The following ARHGAP10 variants were observed in gnomAD, a reference collection of about 807,000 sequenced individuals.
ARHGAP10 encodes the protein Rho GTPase activating protein 10.
ARHGAP10 carries 87 observed loss-of-function variants against 108.6 expected under a neutral mutation model. The observed-to-expected ratio is 0.80, with a 90% CI of 0.67 to 0.96. The LOEUF is 0.96. ARHGAP10 is among the 40% of genes least tolerant of loss of function. The pLI is 0.00. For synonymous variants in ARHGAP10, 347 were observed against 341.1 expected (o/e 1.02, Z -0.19); for missense variants, 939 against 954.5 (o/e 0.98, Z 0.21).
chr4:148,071,197 A>G (rs1379010142), intron 22 of ARHGAP10, among the ~76,000 whole-genome samples: 1 of 152,262 alleles, frequency 6.6e-6, no homozygotes, highest in Non-Finnish European at 1.5e-5. Flanking sequence ...CTGGAGTTGC[A>G]GTTGGGATTT....
intron 18 of ARHGAP10, among the ~76,000 whole-genome samples, chr4:147,999,322 A>G (rs1740602162): frequency 6.6e-6 from 1 of 152,254 alleles, no homozygotes; most frequent in African/African-American, 2.4e-5. Context: ...ATCAATGGCT[A>G]CCCTCTTTGG....
chr4:147,988,577 T>TTA (rs1259945544), intron 18 of ARHGAP10, among the ~76,000 whole-genome samples: 2 of 152,164 alleles, frequency 1.3e-5, no homozygotes, highest in Non-Finnish European at 2.9e-5. Context: ...AATTGAATGT[T>TTA]TATATATACA....
At chr4:147,854,320 G>A (rs906797653) in intron 4 of ARHGAP10, among the ~76,000 whole-genome samples, 39 of 152,076 alleles carry the variant, frequency 2.6e-4, no homozygotes, top group Non-Finnish European at 1.5e-4. Context: ...CAACATACTG[G>A]GCTTGTGTTC....
At chr4:147,900,226 G>T (rs1322527845) in intron 10 of ARHGAP10, among the ~76,000 whole-genome samples, 3 of 152,138 alleles carry the variant, frequency 2.0e-5, no homozygotes, top group Non-Finnish European at 4.4e-5. Context: ...TGAGGGTGGT[G>T]CCTGATTGGT....
chr4:147,768,947 A>AG (rs1321235219), intron 1 of ARHGAP10, among the ~76,000 whole-genome samples: 1 of 152,128 alleles, frequency 6.6e-6, no homozygotes, highest in East Asian at 1.9e-4. Context: ...CATGTTGGCC[A>AG]GGCTGGTTTT....
At chr4:147,773,758 C>T (rs528997842) in intron 1 of ARHGAP10, among the ~76,000 whole-genome samples, 1 of 152,306 alleles carries the variant, frequency 6.6e-6, no homozygotes, top group East Asian at 1.9e-4. Context: ...ATTCTTGATT[C>T]TCTACCTTGG....
At chr4:147,771,273 G>T (rs775460457) in intron 1 of ARHGAP10, among the ~76,000 whole-genome samples, 1 of 152,134 alleles carries the variant, frequency 6.6e-6, no homozygotes, top group African/African-American at 2.4e-5. Context: ...ATGTCCAGCC[G>T]CCTGTAACAG....
intron 15 of ARHGAP10, among the ~76,000 whole-genome samples, chr4:147,954,979 T>C (rs1738734257): frequency 1.3e-5 from 2 of 152,098 alleles, no homozygotes; most frequent in South Asian, 4.1e-4. Context: ...TTTGGTTAGA[T>C]GGTATGTTTG....
chr4:148,006,941 T>A (rs996073530), intron 18 of ARHGAP10, among the ~76,000 whole-genome samples: 19 of 152,330 alleles, frequency 1.2e-4, no homozygotes, highest in Admixed American at 7.2e-4. Flanking sequence ...TTGTGGCCTT[T>A]TTCTGAACAG....
At chr4:147,843,809 C>G (rs1403541299) in intron 3 of ARHGAP10, among the ~76,000 whole-genome samples, 1 of 152,246 alleles carries the variant, frequency 6.6e-6, no homozygotes, top group African/African-American at 2.4e-5. Context: ...CCACTGCACC[C>G]GGCCTGAACC....
chr4:148,027,529 C>A (rs542963698), intron 19 of ARHGAP10, among the ~76,000 whole-genome samples: 1 of 152,180 alleles, frequency 6.6e-6, no homozygotes, highest in Non-Finnish European at 1.5e-5. Context: ...GAAAATACTA[C>A]TGTTGAGCGG....
At chr4:148,066,561 C>A (rs933455637) in intron 22 of ARHGAP10, among the ~76,000 whole-genome samples, 1 of 152,212 alleles carries the variant, frequency 6.6e-6, no homozygotes, top group African/African-American at 2.4e-5. Context: ...TACACACGTA[C>A]ACATACATAG....
chr4:147,943,297 A>G (rs1333918595), intron 14 of ARHGAP10, among the ~76,000 whole-genome samples: 1 of 152,236 alleles, frequency 6.6e-6, no homozygotes, highest in Non-Finnish European at 1.5e-5. Context: ...TTTCACACAT[A>G]AAACCACAGA....
At chr4:147,873,891 G>GA (rs1553959047) in intron 7 of ARHGAP10, among the ~76,000 whole-genome samples, 4 of 151,220 alleles carry the variant, frequency 2.6e-5, no homozygotes, top group African/African-American at 7.3e-5. Flanking sequence ...AAAAAAAAAG[G>GA]GGGGATAAGA....
intron 1 of ARHGAP10, among the ~76,000 whole-genome samples, chr4:147,804,066 C>T (rs138760567): frequency 6.5e-4 from 97 of 149,612 alleles, no homozygotes; most frequent in Admixed American, 4.2e-3. Context: ...CTGTGTGTCA[C>T]GGGGGTTTGG....
chr4:148,020,678 T>A (rs1465394885), intron 18 of ARHGAP10, among the ~76,000 whole-genome samples: 1 of 152,188 alleles, frequency 6.6e-6, no homozygotes, highest in East Asian at 1.9e-4. Flanking sequence ...CCACATTTTC[T>A]TTATCCAGTC....
At chr4:147,822,697 C>A (rs1368150267) in intron 1 of ARHGAP10, 30 bp from the exon 2 acceptor site, 1 of 1,597,854 alleles carries the variant, frequency 6.3e-7, no homozygotes, top group Non-Finnish European at 8.6e-7. Context: ...AAAACAAGAA[C>A]CCAAGTCATC....
In ARHGAP10 at chr4:147,732,440, AT is replaced by A; in HGVS notation, c.140del (p.Ile47ThrfsTer30). ...KELIKDGKNL[I>X]AATKSLSVAQ... ...GCTCATTAAGGACGGGAAGAACCTC[AT>A]CGCTGCGACGAAAAGTAAGCGGGGA... On this transcript the variant is annotated frameshift_variant, in exon 1 of 23. Transcript: ENST00000336498. LOFTEE classifies it high-confidence loss of function. The A allele has an allele frequency of 6.2e-7, 1 of 1,611,812 alleles. No individual in the cohort carries two copies. Among genetic ancestry groups the A allele is most frequent in the Non-Finnish European group, 8.5e-7 (1 of 1,178,928 alleles).
chr4:147,993,019 A>G (rs1740338826), intron 18 of ARHGAP10, among the ~76,000 whole-genome samples: 1 of 152,214 alleles, frequency 6.6e-6, no homozygotes, highest in Admixed American at 6.5e-5. Flanking sequence ...TCTTATGCAG[A>G]TATTTGTAGA....
Sources: gnomAD v4.1 joint callset for allele counts (sites outside exome capture counted in the v4.1 genomes callset) on GRCh38, gnomAD v4.1.1 for gene constraint, MANE v1.5 for transcripts, NCBI Gene and HGNC (gene_info 2026-07-23, HGNC 2026-07-21) for gene names.